UROC1: variants seen among roughly 807,000 people sequenced by gnomAD.
UROC1 encodes the protein urocanate hydratase 1.
In UROC1, 79 loss-of-function variants were observed where a neutral mutation model predicts 89.5. That is an observed-to-expected ratio of 0.88 (90% CI 0.74 to 1.06). The LOEUF (loss-of-function observed/expected upper bound fraction) is 1.06. Among genes scored for constraint, UROC1 ranks in the 50% least tolerant of loss-of-function variants. The probability of loss-of-function intolerance (pLI) is 0.00; values close to 1 mark genes in which losing one functional copy is unlikely to be tolerated. For synonymous variants in UROC1, 361 were observed against 354.8 expected, an observed-to-expected ratio of 1.02 and a Z score of -0.20; for missense variants, 885 against 907.8, an observed-to-expected ratio of 0.97 and a Z score of 0.32.
At chr3:126,507,272 T>G (rs1936082687) in intron 6 of UROC1, among the ~76,000 whole-genome samples, 1 of 151,420 alleles carries the variant, frequency 6.6e-6, no homozygotes, top group South Asian at 2.1e-4. Flanking sequence ...TCTTATTACA[T>G]GCAAGTTTCA....
intron 1 of UROC1, 43 bp from the exon 2 acceptor site, chr3:126,510,837 G>A: frequency 6.2e-7 from 1 of 1,603,746 alleles, no homozygotes; most frequent in Non-Finnish European, 8.5e-7. Flanking sequence ...TGGGACTCCA[G>A]GCCCGGTGTT....
intron 15 of UROC1, among the ~76,000 whole-genome samples, chr3:126,493,781 G>T (rs1001024625): frequency 6.6e-6 from 1 of 152,198 alleles, no homozygotes; most frequent in African/African-American, 2.4e-5. Flanking sequence ...AAGAAAATTT[G>T]TACAGCCCCA....
chr3:126,491,507 C>G (rs1278303387), intron 16 of UROC1, among the ~76,000 whole-genome samples: 1 of 152,262 alleles, frequency 6.6e-6, no homozygotes, highest in Admixed American at 6.5e-5. Flanking sequence ...CCAGGAAGCA[C>G]TGGGTGGGTG....
chr3:126,517,571 G>A lies in UROC1; in HGVS notation c.126+23C>T, dbSNP rs149698890. On this transcript the variant is annotated intron_variant, in intron 1 of 19. Transcript: ENST00000290868. ...GAGGATGCCTAGAGGCCAAGGCCTC[G>A]GGAGCACGGGCCCACTGCTTACCTG... is the stretch of plus-strand genomic sequence containing the variant. The A allele has an allele frequency of 1.1e-5, 17 of 1,612,330 alleles. No homozygotes were observed. In the East Asian group the frequency reaches 2.2e-4, roughly 21 times the overall value.
intron 1 of UROC1, among the ~76,000 whole-genome samples, chr3:126,511,834 T>G (rs1936202501): frequency 6.6e-6 from 1 of 152,258 alleles, no homozygotes; most frequent in Non-Finnish European, 1.5e-5. Context: ...AATTTCCATT[T>G]GCTAACCATT....
chr3:126,493,677 T>C (rs1429797767), intron 15 of UROC1, among the ~76,000 whole-genome samples: 1 of 152,212 alleles, frequency 6.6e-6, no homozygotes, highest in Non-Finnish European at 1.5e-5. Flanking sequence ...CACAGCAGTA[T>C]GAATGTGCTT....
At chr3:126,488,323 G>C in intron 17 of UROC1, 44 bp from the exon 18 acceptor site, 1 of 1,609,514 alleles carries the variant, frequency 6.2e-7, no homozygotes. Flanking sequence ...CCTGCACTGG[G>C]TGGGCACCTG....
In UROC1 at chr3:126,485,440, G is replaced by A. The variant is rs191003159; in HGVS notation, c.1791-1972C>T. ...ATGGGCAGAAGGCGTGTGGGTGGGTGGGGGAGGGCTGTGTGCACAGACAGG... is the reference window on the plus strand; with the variant it reads ...ATGGGCAGAAGGCGTGTGGGTGGGTAGGGGAGGGCTGTGTGCACAGACAGG... On this transcript the variant is annotated intron_variant, in intron 18 of 19. Transcript: ENST00000290868. 2.2e-3 allele frequency among the ~76,000 whole-genome samples: 337 copies of A among 152,192 alleles called. 1 individual carries two copies. The highest frequency in any genetic ancestry group is 7.6e-3 in the African/African-American group (315 of 41,534).
intron 19 of UROC1, 147 bp from the exon 20 acceptor site, chr3:126,482,632 A>T: frequency 4.1e-6 from 5 of 1,226,068 alleles, no homozygotes; most frequent in Non-Finnish European, 5.8e-6. Flanking sequence ...CCCCATTTCC[A>T]CCCCCAGCTT....
intron 15 of UROC1, 42 bp downstream of exon 15, chr3:126,495,996 A>C: frequency 6.3e-7 from 1 of 1,597,672 alleles, no homozygotes; most frequent in Non-Finnish European, 8.5e-7. Context: ...CAGTCTTCTG[A>C]CAGCACAGCC....
Position 126,489,366 on chromosome 3 carries a change from C to T in UROC1, c.1618G>A (p.Val540Ile), listed in dbSNP as rs574614157. 76 of 1,612,042 alleles carry T rather than the reference C, an allele frequency of 4.7e-5. No individual in the cohort carries two copies. The South Asian group carries it at 7.5e-4, about 16-fold the overall frequency. Residue 540 changes from valine (V) to isoleucine (I), a missense_variant, in exon 17 of 20, where the codon GTC becomes ATC. Coordinates refer to ENST00000290868, the MANE Select transcript of UROC1 (RefSeq NM_144639.3). ...IACRRIKAPV[V>I]LSRDHHDVSG... is the part of the protein sequence containing the mutation. The stretch of plus-strand genomic sequence containing the variant: ...ACGTCATGGTGATCTCGGCTCAGGA[C>T]CACCGGCGCCTGTGCATGGAAGGAC...
chr3:126,513,286 G>A (rs531971982), intron 1 of UROC1, among the ~76,000 whole-genome samples: 2 of 152,286 alleles, frequency 1.3e-5, no homozygotes, highest in East Asian at 3.9e-4. Flanking sequence ...CAGAAACCAT[G>A]GCCACTATCC....
At chr3:126,489,447 G>A (rs780583516) in intron 16 of UROC1, 72 bp from the exon 17 acceptor site, 45 of 1,278,814 alleles carry the variant, frequency 3.5e-5, no homozygotes, top group Non-Finnish European at 4.6e-5. Context: ...CTGAGGACAA[G>A]GGGCAGGTCA....
chr3:126,509,670 G>C lies in UROC1; in HGVS notation c.266C>G (p.Pro89Arg), dbSNP rs781043275. 30 of 1,551,766 alleles carry C rather than the reference G, an allele frequency of 1.9e-5. No individual in the cohort carries two copies. The South Asian group carries it at 3.4e-4, about 18-fold the overall frequency. Residue 89 changes from proline to arginine, a missense_variant, in exon 3 of 20, where the codon CCG becomes CGG. Transcript: ENST00000290868. Reference sequence around the variant, plus strand: ...CGTCTGGCAGGGGTACTGCTCAATCGGGTAGGCCCTGCAAGGGAAAGCCCA... The same window carrying C: ...CGTCTGGCAGGGGTACTGCTCAATCCGGTAGGCCCTGCAAGGGAAAGCCCA... ...FCPDIEMRAY[P>R]IEQYPCQTKV... is the part of the protein sequence containing the mutation.
chr3:126,482,293 G>T lies in UROC1; in HGVS notation c.*52C>A. The T allele has an allele frequency of 6.2e-7, 1 of 1,607,172 alleles. No individual in the cohort carries two copies. The highest frequency in any genetic ancestry group is 8.5e-7 in the Non-Finnish European group (1 of 1,176,572). On this transcript the variant is annotated 3_prime_UTR_variant, in exon 20 of 20. Coordinates refer to ENST00000290868, the MANE Select transcript of UROC1 (RefSeq NM_144639.3). Reference sequence around the variant, plus strand: ...GAAGGGTGTGTGCCATGGCTGGGCAGGTGAGGATCGCCAGGGAGGAAGGGA... The same window carrying T: ...GAAGGGTGTGTGCCATGGCTGGGCATGTGAGGATCGCCAGGGAGGAAGGGA...
At chr3:126,495,925 C>A in intron 15 of UROC1, 113 bp downstream of exon 15, 1 of 1,056,964 alleles carries the variant, frequency 9.5e-7, no homozygotes, top group Non-Finnish European at 1.4e-6. Context: ...CCTCTCAGGG[C>A]TTGGCAAGCT....
rs1935405458 is a variant in UROC1 at position 126,482,271 on chromosome 3, G to A, written c.*74C>T. Reference sequence around the variant, plus strand: ...TGCAGGTAGTGCGGGTGTGCAGGAAGGGTGTGTGCCATGGCTGGGCAGGTG... The same window carrying A: ...TGCAGGTAGTGCGGGTGTGCAGGAAAGGTGTGTGCCATGGCTGGGCAGGTG... On this transcript the variant is annotated 3_prime_UTR_variant, in exon 20 of 20. Transcript: ENST00000290868. The A allele has an allele frequency of 3.8e-6, 6 of 1,594,168 alleles. No individual in the cohort carries two copies. In the African/African-American group the frequency reaches 4.0e-5, roughly 11 times the overall value.
Position 126,507,772 on chromosome 3 carries a change from T to C in UROC1, c.572A>G (p.Tyr191Cys), listed in dbSNP as rs1936100845. The stretch of plus-strand genomic sequence containing the variant: ...AACCCCCAAGGCAAAGAGCTTCTCA[T>C]ACTCCGTCCGGGAGGAGTAGTTGGG... ...VIPNYSSRTE[Y>C]EKLFALGVTM... is the part of the protein sequence containing the mutation. The change falls in exon 6 of 20, where the codon TAT becomes TGT. Residue 191 changes from tyrosine to cysteine, a missense_variant. Transcript: ENST00000290868. The C allele has an allele frequency of 6.2e-7, 1 of 1,614,134 alleles. No homozygotes were observed. The highest frequency in any genetic ancestry group is 1.3e-5 in the African/African-American group (1 of 75,038).
chr3:126,501,881 C>T, intron 9 of UROC1: 5 of 1,599,436 alleles, frequency 3.1e-6, no homozygotes, highest in South Asian at 1.1e-5. Context: ...CAGGAAAGGA[C>T]ACACAGTCCC....
Sources: allele counts gnomAD v4.1 joint callset (sites outside exome capture counted in the v4.1 genomes callset), GRCh38; gene constraint gnomAD v4.1.1; transcripts MANE v1.5; gene names NCBI Gene and HGNC (gene_info 2026-07-23, HGNC 2026-07-21).